ZBP1: variants seen among roughly 807,000 people sequenced by gnomAD.
The protein encoded by ZBP1 is Z-DNA binding protein 1, also known as Z-DNA-binding protein 1.
A neutral mutation model predicts 41.1 loss-of-function variants in ZBP1; 42 were observed. That is an observed-to-expected ratio of 1.02 (90% CI 0.80 to 1.32). The LOEUF (loss-of-function observed/expected upper bound fraction) is 1.32. Among genes scored for constraint, ZBP1 ranks in the 40% most tolerant of loss-of-function variants. The pLI is 0.00. For synonymous variants in ZBP1, 214 were observed against 205.2 expected, an observed-to-expected ratio of 1.04 and a Z score of -0.37; for missense variants, 562 against 549.7, an observed-to-expected ratio of 1.02 and a Z score of -0.22.
chr20:57,609,719 G>A (rs1600728226), intron 7 of ZBP1, among the ~76,000 whole-genome samples: 1 of 152,278 alleles, frequency 6.6e-6, no homozygotes, highest in African/African-American at 2.4e-5. Flanking sequence ...GTGCCCTGAT[G>A]CAGAACCTTA....
At chr20:57,607,054 C>A in intron 7 of ZBP1, 2 of 1,297,062 alleles carry the variant, frequency 1.5e-6, no homozygotes, top group Non-Finnish European at 1.0e-6. Context: ...CTTCAACATT[C>A]ACTTCTTATT....
rs779382646 is a variant in ZBP1 at position 57,607,217 on chromosome 20, C to T, written c.1094-2448G>A. 21 of 1,303,826 alleles carry T rather than the reference C, an allele frequency of 1.6e-5. No homozygotes were observed. The South Asian group carries it at 2.5e-4, about 15-fold the overall frequency. The allele number at this position is 1,303,826 out of a possible 1,614,324, so 80.8% of individuals were successfully genotyped here. A position where few individuals can be genotyped will look rare whatever the true frequency, so the allele number is the denominator to read the frequency against. On this transcript the variant is annotated intron_variant, in intron 7 of 7. Transcript: ENST00000371173. ...GATTCATGGGAGGAGGTCAAACTAT[C>T]AACATTCACAGGAGTCTGGAAGAAG...
rs1427282557 is a variant in ZBP1 at position 57,607,215 on chromosome 20, A to G, written c.1094-2446T>C. On this transcript the variant is annotated intron_variant, in intron 7 of 7. Coordinates refer to ENST00000371173, the MANE Select transcript of ZBP1 (RefSeq NM_030776.3). ...GTGATTCATGGGAGGAGGTCAAACT[A>G]TCAACATTCACAGGAGTCTGGAAGA... is the stretch of plus-strand genomic sequence containing the variant. 8.5e-5 allele frequency: 111 copies of G among 1,303,882 alleles called. No homozygotes were observed. In the Admixed American group the frequency reaches 1.4e-3, roughly 16 times the overall value. The allele number at this position is 1,303,882 out of a possible 1,614,324, so 80.8% of individuals were successfully genotyped here.
Position 57,610,709 on chromosome 20 carries a change from T to G in ZBP1, c.875-342A>C. On this transcript the variant is annotated intron_variant, in intron 6 of 7. Coordinates refer to ENST00000371173, the MANE Select transcript of ZBP1 (RefSeq NM_030776.3). This position sits in a 1 kb window ranked among gnomAD's most constrained non-coding sequence, Gnocchi z 5.5. ...TGCACTGGAACACTGGCCCCCACTT[T>G]TGGTTGAAATCTTATGGGGGCTCCC... is the stretch of plus-strand genomic sequence containing the variant. 2.7e-6 allele frequency: 1 copy of G among 366,518 alleles called. No homozygotes were observed. Among genetic ancestry groups the G allele is most frequent in the Non-Finnish European group, 5.1e-6 (1 of 196,324 alleles). The allele number at this position is 366,518 out of a possible 1,614,324, so 22.7% of individuals were successfully genotyped here.
chr20:57,610,181 C>T lies in ZBP1; in HGVS notation c.1061G>A (p.Gly354Glu), dbSNP rs905628465. ...PGVAGPGGVA[G>E]SGEGEPGEDA... ...CTCCCCTGGCTCCCCCTCTCCAGAC[C>T]CTGCGACTCCTCCTGGGCCAGCCAC... Residue 354 changes from glycine (G) to glutamate (E), a missense_variant, in exon 7 of 8, where the codon GGG (glycine) becomes GAG (glutamate). Physicochemically the swap from Gly to Glu is moderately conservative, Grantham distance 98. Coordinates refer to ENST00000371173, the MANE Select transcript of ZBP1 (RefSeq NM_030776.3). This position sits in a 1 kb window ranked among gnomAD's most constrained non-coding sequence, Gnocchi z 5.5. The T allele has an allele frequency of 5.0e-6, 8 of 1,613,988 alleles. No individual in the cohort carries two copies. In the African/African-American group the frequency reaches 6.7e-5, roughly 13 times the overall value.
intron 2 of ZBP1, 181 bp downstream of exon 2, chr20:57,616,063 C>A: frequency 1.5e-6 from 1 of 652,644 alleles, no homozygotes; most frequent in Non-Finnish European, 2.6e-6. Flanking sequence ...TCAGCAACCC[C>A]TACCAAGCAG....
chr20:57,619,497 T>C (rs185847914), intron 1 of ZBP1, among the ~76,000 whole-genome samples: 2 of 152,320 alleles, frequency 1.3e-5, no homozygotes, highest in East Asian at 3.9e-4. Context: ...CGATACACTA[T>C]TGGCTTTCAT....
In ZBP1 at chr20:57,610,697, T is replaced by C; in HGVS notation, c.875-330A>G. The C allele has an allele frequency of 2.5e-6, 1 of 395,366 alleles. No individual in the cohort carries two copies. The highest frequency in any genetic ancestry group is 4.7e-6 in the Non-Finnish European group (1 of 213,770). The allele number at this position is 395,366 out of a possible 1,614,324, so 24.5% of individuals were successfully genotyped here. A position where few individuals can be genotyped will look rare whatever the true frequency, so the allele number is the denominator to read the frequency against. ...CCTGCTTCCCACTGCACTGGAACACTGGCCCCCACTTTTGGTTGAAATCTT... is the reference window on the plus strand; with the variant it reads ...CCTGCTTCCCACTGCACTGGAACACCGGCCCCCACTTTTGGTTGAAATCTT... On this transcript the variant is annotated intron_variant, in intron 6 of 7. Coordinates refer to ENST00000371173, the MANE Select transcript of ZBP1 (RefSeq NM_030776.3). The surrounding 1 kb of genome is among the most constrained non-coding windows in gnomAD (Gnocchi z 5.5).
At position 57,617,176 on chromosome 20, in the gene ZBP1, C is replaced by T. The variant is rs555406965; in HGVS notation, c.35-708G>A. On this transcript the variant is annotated intron_variant, in intron 1 of 7. Transcript: ENST00000371173. ...CAGGTACCCTCCAGATCTGGCTCTG[C>T]CAACCACCCAGCTTGGCCTGCACCT... 5.6e-4 allele frequency: 87 copies of T among 154,508 alleles called. No individual in the cohort carries two copies. The Middle Eastern group carries it at 0.023, about 41-fold the overall frequency. 9.6% of individuals were successfully genotyped at this position (154,508 alleles called of 1,614,324 possible).
rs79860940 is a variant in ZBP1, at chr20:57,619,745, G to T, written c.34+517C>A. On this transcript the variant is annotated intron_variant, in intron 1 of 7. Transcript: ENST00000371173. ...TGGGAATGACATGGCACTTGTCCCTGCAGGCCATCAGGAAATGCTTGGAAA... is the reference window on the plus strand; with the variant it reads ...TGGGAATGACATGGCACTTGTCCCTTCAGGCCATCAGGAAATGCTTGGAAA... 3.1e-3 allele frequency among the ~76,000 whole-genome samples: 478 copies of T among 152,198 alleles called. 8 individuals are homozygous for T. In the East Asian group the frequency reaches 0.065, roughly 21 times the overall value.
At chr20:57,619,645 C>T (rs1479700695) in intron 1 of ZBP1, among the ~76,000 whole-genome samples, 1 of 152,140 alleles carries the variant, frequency 6.6e-6, no homozygotes, top group Admixed American at 6.5e-5. Context: ...TGTTCAGACG[C>T]TAACACCAGC....
intron 4 of ZBP1, 118 bp downstream of exon 4, chr20:57,614,769 G>T: frequency 4.5e-6 from 6 of 1,343,194 alleles, no homozygotes; most frequent in Non-Finnish European, 5.1e-6. Flanking sequence ...TTGTCGGTAG[G>T]ACCTCCAGAA....
At chr20:57,612,706 A>T (rs1600734549) in intron 5 of ZBP1, among the ~76,000 whole-genome samples, 2 of 152,248 alleles carry the variant, frequency 1.3e-5, no homozygotes, top group Middle Eastern at 3.4e-3. Context: ...GGTGAGATGC[A>T]CCCCAGTTTC....
At chr20:57,616,070 G>A in intron 2 of ZBP1, 174 bp downstream of exon 2, 1 of 664,008 alleles carries the variant, frequency 1.5e-6, no homozygotes, top group South Asian at 1.9e-5. Context: ...CCCCTACCAA[G>A]CAGCCCTGCT....
At chr20:57,609,931 A>G (rs1379326761) in intron 7 of ZBP1, among the ~76,000 whole-genome samples, 2 of 152,252 alleles carry the variant, frequency 1.3e-5, no homozygotes, top group South Asian at 2.1e-4. Flanking sequence ...AAGGAGACAG[A>G]GGCTCCTGGG....
rs192766870 is a variant in ZBP1 at position 57,612,942 on chromosome 20, G to A, written c.670+221C>T. The A allele has an allele frequency of 2.3e-4, 309 of 1,335,438 alleles. No individual in the cohort carries two copies. The African/African-American group carries it at 4.0e-3, about 17-fold the overall frequency. 82.7% of individuals were successfully genotyped at this position (1,335,438 alleles called of 1,614,324 possible). A position where few individuals can be genotyped will look rare whatever the true frequency, so the allele number is the denominator to read the frequency against. ...TAAAAATTAAATTAAACTTTAAAAT[G>A]AGGTAGAAAGTATCAGAGTACAGGG... On this transcript the variant is annotated intron_variant, in intron 5 of 7. Transcript: ENST00000371173.
In ZBP1 at chr20:57,613,451, T is replaced by A. The variant is rs2070732043; in HGVS notation, c.503-121A>T. 4.7e-6 allele frequency: 5 copies of A among 1,073,896 alleles called. No individual in the cohort carries two copies. Among genetic ancestry groups the A allele is most frequent in the Non-Finnish European group, 6.8e-6 (5 of 730,080 alleles). The allele number at this position is 1,073,896 out of a possible 1,614,324, so 66.5% of individuals were successfully genotyped here. A position where few individuals can be genotyped will look rare whatever the true frequency, so the allele number is the denominator to read the frequency against. On this transcript the variant is annotated intron_variant, in intron 4 of 7. Transcript: ENST00000371173. The surrounding 1 kb of genome is among the most constrained non-coding windows in gnomAD (Gnocchi z 4.5). ...GTTAAAATACCCTGGGCGTTCCGAG[T>A]CAGTAGGGCCAAGTGGGAGGCCAGA...
intron 2 of ZBP1, chr20:57,615,904 G>A (rs112140862): frequency 1.1e-4 from 57 of 528,226 alleles, no homozygotes; most frequent in African/African-American, 1.0e-3. Context: ...AGCTAGAAAA[G>A]GGGGGCTGGT....
intron 7 of ZBP1, among the ~76,000 whole-genome samples, chr20:57,608,499 C>T (rs1296493341): frequency 6.6e-6 from 1 of 152,248 alleles, no homozygotes; most frequent in Non-Finnish European, 1.5e-5. Context: ...TTGAGACCCA[C>T]AGGGCTCTGC....
Sources: allele counts gnomAD v4.1 joint callset (sites outside exome capture counted in the v4.1 genomes callset), GRCh38; gene constraint gnomAD v4.1.1; non-coding constraint Gnocchi (gnomAD v3.1); transcripts MANE v1.5; gene names NCBI Gene and HGNC (gene_info 2026-07-23, HGNC 2026-07-21).